The following NRXN1 variants were observed in gnomAD, a reference collection of about 807,000 sequenced individuals.
The protein encoded by NRXN1 is neurexin 1, also known as neurexin-1.
Under a neutral mutation model 150.9 loss-of-function variants are expected in NRXN1, and 39 were observed. The ratio of observed to expected loss-of-function variants is 0.26; its 90% confidence interval spans 0.20 to 0.34. The LOEUF (loss-of-function observed/expected upper bound fraction) is 0.34, where lower values mean the gene tolerates loss of function less well. NRXN1 is among the 10% of genes least tolerant of loss of function. NRXN1 has a pLI of 1.00. For missense variants in NRXN1, 1,815 were observed against 1,949.9 expected, an observed-to-expected ratio of 0.93 and a Z score of 1.30; for synonymous variants, 924 against 757.0, an observed-to-expected ratio of 1.22 and a Z score of -3.62.
intron 5 of NRXN1, among the ~76,000 whole-genome samples, chr2:50,887,521 T>A (rs965639693): frequency 6.6e-6 from 1 of 151,400 alleles, no homozygotes; most frequent in Non-Finnish European, 1.5e-5. Flanking sequence ...TTTGAGAAAA[T>A]GGCTCCAATC....
intron 17 of NRXN1, among the ~76,000 whole-genome samples, chr2:50,299,398 G>T (rs2073943577): frequency 6.8e-6 from 1 of 146,640 alleles, no homozygotes; most frequent in African/African-American, 2.5e-5. Context: ...GCTATATCCT[G>T]GTCATTGTCC....
At chr2:50,689,605 C>T (rs1212580495) in intron 5 of NRXN1, among the ~76,000 whole-genome samples, 1 of 152,110 alleles carries the variant, frequency 6.6e-6, no homozygotes, top group African/African-American at 2.4e-5. Flanking sequence ...TGGTCTTGCA[C>T]TGTCATGTGT....
chr2:50,357,470 G>A (rs1442772294), intron 17 of NRXN1, among the ~76,000 whole-genome samples: 5 of 151,754 alleles, frequency 3.3e-5, no homozygotes, highest in African/African-American at 9.7e-5. Context: ...CACCATGCCC[G>A]GCTAATTTTG....
At chr2:50,352,076 A>G (rs2078451034) in intron 17 of NRXN1, among the ~76,000 whole-genome samples, 1 of 152,168 alleles carries the variant, frequency 6.6e-6, no homozygotes, top group Admixed American at 6.5e-5. Flanking sequence ...TACCTAAAAG[A>G]ACCTAAGGAC....
intron 5 of NRXN1, among the ~76,000 whole-genome samples, chr2:50,788,854 A>G (rs572758304): frequency 6.6e-6 from 1 of 151,718 alleles, no homozygotes; most frequent in South Asian, 2.1e-4. Flanking sequence ...ATTATCACAT[A>G]AGCACTATGA....
At chr2:50,977,151 A>C (rs1330667493) in intron 2 of NRXN1, among the ~76,000 whole-genome samples, 2 of 152,004 alleles carry the variant, frequency 1.3e-5, no homozygotes, top group African/African-American at 2.4e-5. Context: ...ATGATGCTTC[A>C]TTACCATTTA....
At chr2:50,878,638 A>C (rs910663504) in intron 5 of NRXN1, among the ~76,000 whole-genome samples, 1 of 151,964 alleles carries the variant, frequency 6.6e-6, no homozygotes, top group African/African-American at 2.4e-5. Flanking sequence ...ATTAAGGATG[A>C]TGAAGAAGAA....
chr2:50,571,396 G>A (rs1486535362), intron 8 of NRXN1, among the ~76,000 whole-genome samples: 2 of 152,116 alleles, frequency 1.3e-5, no homozygotes, highest in Non-Finnish European at 1.5e-5. Flanking sequence ...ACACAATGAG[G>A]ATGAAAAGTT....
At chr2:50,530,233 C>G (rs1006704348) in intron 11 of NRXN1, among the ~76,000 whole-genome samples, 1 of 151,964 alleles carries the variant, frequency 6.6e-6, no homozygotes, top group Admixed American at 6.6e-5. Flanking sequence ...GAGCAAAGAT[C>G]TCTTAAGAAA....
chr2:50,050,998 C>A (rs548790709), intron 21 of NRXN1, among the ~76,000 whole-genome samples: 1 of 151,918 alleles, frequency 6.6e-6, no homozygotes, highest in Non-Finnish European at 1.5e-5. Context: ...ACCTAATAAT[C>A]TTTTATTTAA....
At chr2:50,263,826 A>G (rs2068563904) in intron 17 of NRXN1, among the ~76,000 whole-genome samples, 1 of 152,158 alleles carries the variant, frequency 6.6e-6, no homozygotes, top group African/African-American at 2.4e-5. Context: ...AAAGGAGTCA[A>G]CATAACTTTG....
chr2:50,441,235 A>AG (rs2085924776), intron 17 of NRXN1, among the ~76,000 whole-genome samples: 1 of 152,172 alleles, frequency 6.6e-6, no homozygotes, highest in Admixed American at 6.5e-5. Flanking sequence ...CACTTGTCTT[A>AG]GGGGTCCCCA....
rs533078392 is a variant in NRXN1, at chr2:50,353,481, A to G, written c.3364+111961T>C. ...GAGACTGGAGTGCCTGACTGTGAGT[A>G]TGAATCCAAGCTTCATTGTTTTTAT... is the stretch of plus-strand genomic sequence containing the variant. On this transcript the variant is annotated intron_variant, in intron 17 of 22. Coordinates refer to ENST00000401669, the MANE Select transcript of NRXN1 (RefSeq NM_001330078.2). 4.6e-5 allele frequency among the ~76,000 whole-genome samples: 7 copies of G among 152,260 alleles called. No homozygotes were observed. The South Asian group carries it at 1.2e-3, about 27-fold the overall frequency.
At chr2:50,519,898 T>C (rs1027705677) in intron 12 of NRXN1, among the ~76,000 whole-genome samples, 3 of 151,972 alleles carry the variant, frequency 2.0e-5, no homozygotes, top group African/African-American at 4.8e-5. Flanking sequence ...AATTGCTTTA[T>C]ATAACCTTGG....
At chr2:50,139,183 G>A (rs556274742) in intron 18 of NRXN1, among the ~76,000 whole-genome samples, 16 of 151,948 alleles carry the variant, frequency 1.1e-4, no homozygotes, top group Non-Finnish European at 2.1e-4. Context: ...AAAATTAGCC[G>A]GGCGTGGTGG....
At chr2:49,940,636 A>G (rs375847790) in intron 22 of NRXN1, among the ~76,000 whole-genome samples, 55 of 152,338 alleles carry the variant, frequency 3.6e-4, no homozygotes, top group African/African-American at 1.2e-3. Flanking sequence ...AAAACATCAT[A>G]TAAACTAAGA....
intron 2 of NRXN1, among the ~76,000 whole-genome samples, chr2:50,932,357 C>A (rs1214593499): frequency 6.6e-6 from 1 of 152,008 alleles, no homozygotes; most frequent in Non-Finnish European, 1.5e-5. Flanking sequence ...TCTTTTTCCA[C>A]CTCTTTACAT....
At chr2:50,399,676 A>G (rs936738622) in intron 17 of NRXN1, among the ~76,000 whole-genome samples, 4 of 151,344 alleles carry the variant, frequency 2.6e-5, no homozygotes, top group African/African-American at 9.7e-5. Flanking sequence ...CCACTAAGTC[A>G]TGTTGTCCAA....
chr2:50,591,397 TAGATAGATAGATAGA>T (rs1190923802), intron 8 of NRXN1, among the ~76,000 whole-genome samples: 5 of 145,844 alleles, frequency 3.4e-5, no homozygotes, highest in African/African-American at 1.2e-4. Flanking sequence ...GATAGATAGA[TAGATAGATAGATAGA>T]TAGATAGATA....
Sources: allele counts gnomAD v4.1 joint callset (sites outside exome capture counted in the v4.1 genomes callset), GRCh38; gene constraint gnomAD v4.1.1; transcripts MANE v1.5; gene names NCBI Gene and HGNC (gene_info 2026-07-23, HGNC 2026-07-21).